The following COL23A1 variants were observed in gnomAD, a reference collection of about 807,000 sequenced individuals.
COL23A1 encodes the protein collagen type XXIII alpha 1 chain, also known as collagen alpha-1(XXIII) chain.
Under a neutral mutation model 99.3 loss-of-function variants are expected in COL23A1, and 97 were observed. That is an observed-to-expected ratio of 0.98 (90% CI 0.83 to 1.16). COL23A1 has a LOEUF of 1.16. Ranked by LOEUF, COL23A1 falls within the 50% of genes most tolerant of loss-of-function variation. The pLI is 0.00. For missense variants in COL23A1, 762 were observed against 757.4 expected (o/e 1.01, Z -0.07); for synonymous variants, 320 against 308.2 (o/e 1.04, Z -0.40).
chr5:178,516,412 C>A (rs928968337), intron 2 of COL23A1, among the ~76,000 whole-genome samples: 5 of 152,334 alleles, frequency 3.3e-5, no homozygotes, highest in Admixed American at 3.3e-4. Flanking sequence ...TCTGCCAGAT[C>A]TCTCTGGTTT....
chr5:178,320,512 T>C (rs1278305792), intron 2 of COL23A1, among the ~76,000 whole-genome samples: 1 of 152,210 alleles, frequency 6.6e-6, no homozygotes. Flanking sequence ...CTCTGCAGGA[T>C]GCTGAGGTCT....
At chr5:178,449,742 G>A (rs781284083) in intron 2 of COL23A1, among the ~76,000 whole-genome samples, 2 of 151,502 alleles carry the variant, frequency 1.3e-5, no homozygotes, top group Non-Finnish European at 2.9e-5. Context: ...TTTGTTGTCT[G>A]GTCTCGTATG....
intron 5 of COL23A1, among the ~76,000 whole-genome samples, chr5:178,278,981 C>T (rs964465673): frequency 9.9e-5 from 15 of 152,202 alleles, no homozygotes; most frequent in African/African-American, 3.6e-4. Flanking sequence ...CTAGATGTCA[C>T]TGGCCCTGAC....
rs1433944715 is a variant in COL23A1 at position 178,252,667 on chromosome 5, C to T, written c.961-70G>A. ...GCCTCCCTTCGCTACCCATCCAGCT[C>T]CCCACCTGGAATCAAGTCCCCGTCC... On this transcript the variant is annotated intron_variant, in intron 16 of 28. Coordinates refer to ENST00000390654, the MANE Select transcript of COL23A1 (RefSeq NM_173465.4). The T allele has an allele frequency of 2.9e-6, 4 of 1,380,114 alleles. No homozygotes were observed. In the East Asian group the frequency reaches 9.9e-5, roughly 34 times the overall value. 85.5% of individuals were successfully genotyped at this position (1,380,114 alleles called of 1,614,324 possible). A position where few individuals can be genotyped will look rare whatever the true frequency, so the allele number is the denominator to read the frequency against.
At position 178,321,480 on chromosome 5, in the gene COL23A1, C is replaced by CTTTT. The variant is rs570803192; in HGVS notation, c.362-14565_362-14562dup. Among the ~76,000 whole-genome samples the CTTTT allele has an allele frequency of 3.9e-4, 42 of 109,026 alleles. 2 individuals are homozygous for CTTTT. The highest frequency in any genetic ancestry group is 1.0e-3 in the African/African-American group (25 of 25,002). 71.5% of individuals were successfully genotyped at this position (109,026 alleles called of 152,430 possible). On this transcript the variant is annotated intron_variant, in intron 2 of 28. Transcript: ENST00000390654. ...ACCTGTGATGACGAGGTCACCTTCC[C>CTTTT]TTTTTTTTTTTTTTTTTTTTTTTTT...
Position 178,387,246 on chromosome 5 carries a change from T to C in COL23A1, c.362-80327A>G, listed in dbSNP as rs889430389. On this transcript the variant is annotated intron_variant, in intron 2 of 28. Transcript: ENST00000390654. This position sits in a 1 kb window ranked among gnomAD's most constrained non-coding sequence, Gnocchi z 4.7. ...AGCCTCACCGAGGAAAGCCACGTTC[T>C]GTAGCCTGGTGATCACCCCTTATGC... is the stretch of plus-strand genomic sequence containing the variant. Among the ~76,000 whole-genome samples, 1 of 152,178 alleles carries C rather than the reference T, an allele frequency of 6.6e-6. No individual in the cohort carries two copies. Among genetic ancestry groups the C allele is most frequent in the African/African-American group, 2.4e-5 (1 of 41,448 alleles).
At chr5:178,522,667 G>C (rs1326463851) in intron 2 of COL23A1, among the ~76,000 whole-genome samples, 1 of 152,162 alleles carries the variant, frequency 6.6e-6, no homozygotes, top group Non-Finnish European at 1.5e-5. Context: ...CAGTGGTGGA[G>C]GGCACGATAG....
chr5:178,241,196 G>A (rs539079069), intron 27 of COL23A1, among the ~76,000 whole-genome samples: 1 of 152,276 alleles, frequency 6.6e-6, no homozygotes, highest in South Asian at 2.1e-4. Context: ...GCTCCAGCCT[G>A]GGCGACAGAG....
chr5:178,323,294 T>C (rs574252607), intron 2 of COL23A1, among the ~76,000 whole-genome samples: 10 of 152,142 alleles, frequency 6.6e-5, no homozygotes, highest in Non-Finnish European at 1.2e-4. Flanking sequence ...GCTCTTGCCC[T>C]TTCCAGACCC....
Position 178,310,376 on chromosome 5 carries a change from G to A in COL23A1, c.362-3457C>T, listed in dbSNP as rs1038059308. On this transcript the variant is annotated intron_variant, in intron 2 of 28. Coordinates refer to ENST00000390654, the MANE Select transcript of COL23A1 (RefSeq NM_173465.4). The surrounding 1 kb of genome is among the most constrained non-coding windows in gnomAD (Gnocchi z 4.3). ...TTCAACATCTACTGGGTGCCAAGCC[G>A]GCTGCTCACCCAGTGAGCATGAACT... 2.0e-5 allele frequency among the ~76,000 whole-genome samples: 3 copies of A among 152,174 alleles called. No homozygotes were observed. Among genetic ancestry groups the A allele is most frequent in the East Asian group, 1.9e-4 (1 of 5,182 alleles).
chr5:178,336,935 G>C (rs1760353323), intron 2 of COL23A1, among the ~76,000 whole-genome samples: 2 of 152,180 alleles, frequency 1.3e-5, no homozygotes, highest in South Asian at 4.1e-4. Context: ...GCTTTTCCAA[G>C]GCCTCTGCTA....
intron 5 of COL23A1, among the ~76,000 whole-genome samples, chr5:178,275,249 C>T (rs1050518043): frequency 4.6e-5 from 7 of 152,232 alleles, no homozygotes; most frequent in Admixed American, 2.6e-4. Context: ...ATGCAAGATG[C>T]GAAGCCCCAC....
At chr5:178,326,783 G>A (rs991023597) in intron 2 of COL23A1, among the ~76,000 whole-genome samples, 20 of 152,196 alleles carry the variant, frequency 1.3e-4, no homozygotes, top group Non-Finnish European at 2.2e-4. Context: ...GCAGTGGCGC[G>A]ATTTCGGCTC....
At chr5:178,441,931 T>C (rs1480547154) in intron 2 of COL23A1, among the ~76,000 whole-genome samples, 4 of 152,258 alleles carry the variant, frequency 2.6e-5, no homozygotes, top group South Asian at 2.1e-4. Context: ...GTGTACTTCA[T>C]AGCCTAAGCA....
intron 2 of COL23A1, among the ~76,000 whole-genome samples, chr5:178,558,832 AGGCTG>A (rs567067974): frequency 7.5e-4 from 113 of 150,918 alleles, no homozygotes; most frequent in Admixed American, 2.2e-3. Context: ...TCTGTCACCC[AGGCTG>A]GAGTGCAATG....
intron 2 of COL23A1, among the ~76,000 whole-genome samples, chr5:178,498,251 T>TAA (rs1758329258): frequency 3.4e-5 from 2 of 58,450 alleles, no homozygotes; most frequent in African/African-American, 1.1e-4. Flanking sequence ...TATATATATA[T>TAA]ATATATAAAA....
rs1764174080 is a variant in COL23A1, at chr5:178,589,809, C to G, written c.294+95G>C. 2 of 1,152,944 alleles carry G rather than the reference C, an allele frequency of 1.7e-6. No homozygotes were observed. Among genetic ancestry groups the G allele is most frequent in the Non-Finnish European group, 1.1e-6 (1 of 918,486 alleles). The allele number at this position is 1,152,944 out of a possible 1,614,324, so 71.4% of individuals were successfully genotyped here. On this transcript the variant is annotated intron_variant, in intron 1 of 28. Transcript: ENST00000390654. This position sits in a 1 kb window ranked among gnomAD's most constrained non-coding sequence, Gnocchi z 5.4. ...CACGCAGCCGGCGGGCGACCCTCCTCCCAGAGACCTGCACGCTGCCCCCGG... is the reference window on the plus strand; with the variant it reads ...CACGCAGCCGGCGGGCGACCCTCCTGCCAGAGACCTGCACGCTGCCCCCGG...
rs796575157 is a variant in COL23A1 at position 178,392,212 on chromosome 5, C to G, written c.362-85293G>C. ...TGAGTATAATAAAAACCACTGACTT[C>G]TGCACTTTACATGGGTAAACTGTAT... is the stretch of plus-strand genomic sequence containing the variant. On this transcript the variant is annotated intron_variant, in intron 2 of 28. Coordinates refer to ENST00000390654, the MANE Select transcript of COL23A1 (RefSeq NM_173465.4). Among the ~76,000 whole-genome samples the G allele has an allele frequency of 4.0e-5, 6 of 150,334 alleles. 1 individual carries two copies. Among genetic ancestry groups the G allele is most frequent in the African/African-American group, 1.5e-4 (6 of 40,754 alleles).
intron 12 of COL23A1, among the ~76,000 whole-genome samples, chr5:178,258,770 C>T (rs1765473180): frequency 6.6e-6 from 1 of 152,016 alleles, no homozygotes; most frequent in Non-Finnish European, 1.5e-5. Context: ...TCATAGCTTA[C>T]TACAGCCTCA....
Sources: gnomAD v4.1 joint callset for allele counts (sites outside exome capture counted in the v4.1 genomes callset) on GRCh38, gnomAD v4.1.1 for gene constraint, Gnocchi (gnomAD v3.1) non-coding constraint, MANE v1.5 for transcripts, NCBI Gene and HGNC (gene_info 2026-07-23, HGNC 2026-07-21) for gene names.